Variants in WNT9B observed in about 807,000 individuals in gnomAD.
WNT9B encodes the protein protein Wnt-9b.
Under a neutral mutation model 30.2 loss-of-function variants are expected in WNT9B, and 12 were observed. The observed-to-expected ratio is 0.40, with a 90% CI of 0.26 to 0.64. The LOEUF is 0.64. Ranked by LOEUF, WNT9B falls within the 30% of genes least tolerant of loss-of-function variation. The pLI, the probability that WNT9B is intolerant of heterozygous loss-of-function variation, is 0.42. For missense variants in WNT9B, 442 were observed against 485.2 expected, an observed-to-expected ratio of 0.91 and a Z score of 0.84; for synonymous variants, 218 against 216.9, an observed-to-expected ratio of 1.01 and a Z score of -0.05.
At chr17:46,847,679 T>C (rs1378234218), upstream of WNT9B, among the ~76,000 whole-genome samples, 35 of 152,178 alleles carry the variant, frequency 2.3e-4, no homozygotes, top group Admixed American at 2.2e-3. Flanking sequence ...TCGGAGCTGC[T>C]GGGGCATCAT....
chr17:46,851,504 G>A (rs1421877303), upstream of WNT9B: 8 of 389,164 alleles, frequency 2.1e-5, no homozygotes, highest in East Asian at 2.5e-4. This position sits in a 1 kb window ranked among gnomAD's most constrained non-coding sequence, Gnocchi z 4.3. Flanking sequence ...GGGCTGGGGA[G>A]CCTCCCAATC....
chr17:46,864,919 G>A (rs193182554), intron 1 of WNT9B, among the ~76,000 whole-genome samples: 1 of 152,252 alleles, frequency 6.6e-6, no homozygotes, highest in East Asian at 1.9e-4. Flanking sequence ...CTTCTGGGCC[G>A]GGTGACCTTA....
chr17:46,872,775 TG>T lies in WNT9B; in HGVS notation c.334+6del. 7.4e-7 allele frequency: 1 copy of T among 1,359,308 alleles called. No homozygotes were observed. The highest frequency in any genetic ancestry group is 9.8e-7 in the Non-Finnish European group (1 of 1,021,320). The allele number at this position is 1,359,308 out of a possible 1,614,324, so 84.2% of individuals were successfully genotyped here. ...GCAGGATGGGCCTGCTCAAGAGAGG[TG>T]GGGAGGAGGGCTAGGGGACGGGGAG... On this transcript the variant is annotated splice_donor_region_variant and intron_variant, in intron 2 of 3. Transcript: ENST00000290015.
chr17:46,841,405 T>C (rs1483367738), intron 1 of WNT9B, among the ~76,000 whole-genome samples: 1 of 152,188 alleles, frequency 6.6e-6, no homozygotes, highest in African/African-American at 2.4e-5. Flanking sequence ...TGCATCGATA[T>C]TCATCACCGA....
chr17:46,842,469 G>T (rs577532424), intron 1 of WNT9B, among the ~76,000 whole-genome samples: 111 of 152,272 alleles, frequency 7.3e-4, no homozygotes, highest in African/African-American at 2.6e-3. Flanking sequence ...CAAACTCCTG[G>T]GTTCAAACCA....
At chr17:46,855,278 C>G (rs531299706) in intron 1 of WNT9B, among the ~76,000 whole-genome samples, 3 of 152,360 alleles carry the variant, frequency 2.0e-5, no homozygotes, top group African/African-American at 7.2e-5. Context: ...CTTTTAGACT[C>G]TCTTGGCTGT....
chr17:46,872,435 C>T (rs899618060), intron 1 of WNT9B, 82 bp from the exon 2 acceptor site: 2 of 1,415,082 alleles, frequency 1.4e-6, no homozygotes, highest in African/African-American at 2.9e-5. Flanking sequence ...TAAATGAAGC[C>T]CCTGAGGAGG....
chr17:46,859,421 G>C (rs1450253665), intron 1 of WNT9B, among the ~76,000 whole-genome samples: 2 of 152,146 alleles, frequency 1.3e-5, no homozygotes, highest in East Asian at 3.8e-4. Context: ...TTTCTCCACT[G>C]TCATCTTTGT....
chr17:46,869,689 T>A (rs1284606926), intron 1 of WNT9B, among the ~76,000 whole-genome samples: 1 of 152,180 alleles, frequency 6.6e-6, no homozygotes, highest in Non-Finnish European at 1.5e-5. Flanking sequence ...CCACACTACA[T>A]GGGAGTCCCA....
At chr17:46,874,563 A>G (rs1450627575) in intron 2 of WNT9B, among the ~76,000 whole-genome samples, 1 of 152,100 alleles carries the variant, frequency 6.6e-6, no homozygotes, top group African/African-American at 2.4e-5. Flanking sequence ...AATTCCATTT[A>G]TTTATTTATT....
At chr17:46,863,006 T>C (rs963243889) in intron 1 of WNT9B, among the ~76,000 whole-genome samples, 2 of 152,210 alleles carry the variant, frequency 1.3e-5, no homozygotes, top group Non-Finnish European at 2.9e-5. Context: ...CGGGCCTGGC[T>C]CTCAGACCCC....
upstream of WNT9B, among the ~76,000 whole-genome samples, chr17:46,846,796 A>G (rs572229198): frequency 3.9e-5 from 6 of 152,294 alleles, no homozygotes; most frequent in South Asian, 6.2e-4. Flanking sequence ...AGAGGGAGGG[A>G]GGGAGGAACA....
rs2085354136 is a variant in WNT9B, at chr17:46,876,807, A to G, written c.*89A>G. On this transcript the variant is annotated 3_prime_UTR_variant, in exon 4 of 4. Coordinates refer to ENST00000290015, the MANE Select transcript of WNT9B (RefSeq NM_003396.3). Reference sequence around the variant, plus strand: ...CAGCCGGCCCTCTGGGCAGACTGTCATCACATGCATGCATAAACCGGCATG... The same window carrying G: ...CAGCCGGCCCTCTGGGCAGACTGTCGTCACATGCATGCATAAACCGGCATG... 6.9e-7 allele frequency: 1 copy of G among 1,451,088 alleles called. No homozygotes were observed. Among genetic ancestry groups the G allele is most frequent in the East Asian group, 2.5e-5 (1 of 40,296 alleles). The allele number at this position is 1,451,088 out of a possible 1,614,324, so 89.9% of individuals were successfully genotyped here.
At chr17:46,855,605 A>G (rs1438414143) in intron 1 of WNT9B, among the ~76,000 whole-genome samples, 1 of 152,234 alleles carries the variant, frequency 6.6e-6, no homozygotes. Context: ...TAGGAATTCC[A>G]CAAATGTTAA....
chr17:46,872,871 G>A (rs11654422), intron 2 of WNT9B, 98 bp downstream of exon 2: 412,451 of 1,400,286 alleles, frequency 0.29, 63,640 homozygotes, highest in East Asian at 0.43. Context: ...CCTGGCTCCC[G>A]TGCCCAGGCC....
At chr17:46,847,095 A>G (rs972900303), upstream of WNT9B, among the ~76,000 whole-genome samples, 7 of 152,240 alleles carry the variant, frequency 4.6e-5, no homozygotes, top group Non-Finnish European at 8.8e-5. Flanking sequence ...AAAACTAGGA[A>G]AATGCAAGGA....
intron 1 of WNT9B, among the ~76,000 whole-genome samples, chr17:46,861,916 C>T (rs377671965): frequency 3.3e-5 from 5 of 152,258 alleles, no homozygotes; most frequent in African/African-American, 9.6e-5. Flanking sequence ...GTAATCCCAG[C>T]ACTTTGGGAG....
At chr17:46,875,536 C>T (rs574800739) in intron 3 of WNT9B, among the ~76,000 whole-genome samples, 170 bp downstream of exon 3, 1 of 152,306 alleles carries the variant, frequency 6.6e-6, no homozygotes, top group East Asian at 1.9e-4. Context: ...GGCATCTACT[C>T]TGGGCTGTGA....
exon 1 of WNT9B, chr17:46,833,237 C>T (rs2084578578): frequency 2.3e-6 from 1 of 426,002 alleles, no homozygotes; most frequent in Admixed American, 2.5e-5. Flanking sequence ...GGAAGCTGGG[C>T]CTGAGCCCTG....
Sources: allele counts gnomAD v4.1 joint callset (sites outside exome capture counted in the v4.1 genomes callset), GRCh38; gene constraint gnomAD v4.1.1; non-coding constraint Gnocchi (gnomAD v3.1); transcripts MANE v1.5; gene names NCBI Gene and HGNC (gene_info 2026-07-23, HGNC 2026-07-21).